The following CD164L2 variants were observed in gnomAD, a reference collection of about 807,000 sequenced individuals.
CD164L2 encodes CD164 molecule like 2, also known as CD164 sialomucin-like 2 protein.
A neutral mutation model predicts 23.9 loss-of-function variants in CD164L2; 21 were observed. That is an observed-to-expected ratio of 0.88 (90% CI 0.62 to 1.27). CD164L2 has a LOEUF of 1.27. Among genes scored for constraint, CD164L2 ranks in the 50% most tolerant of loss-of-function variants. The probability of loss-of-function intolerance (pLI) is 0.00; values close to 1 mark genes in which losing one functional copy is unlikely to be tolerated. For missense variants in CD164L2, 230 were observed against 224.8 expected, an observed-to-expected ratio of 1.02 and a Z score of -0.15; for synonymous variants, 92 against 90.2, an observed-to-expected ratio of 1.02 and a Z score of -0.11.
rs1437562654 is a variant in CD164L2 at position 27,383,331 on chromosome 1, T to A, written c.-92A>T. On this transcript the variant is annotated 5_prime_UTR_variant, in exon 1 of 6. Coordinates refer to ENST00000374030, the MANE Select transcript of CD164L2 (RefSeq NM_001330448.1). ...CTCCCAGACTGGGCTCGGCTGAGCGTGTGCGGAGCGAGACCTGGGCAACCG... is the reference window on the plus strand; with the variant it reads ...CTCCCAGACTGGGCTCGGCTGAGCGAGTGCGGAGCGAGACCTGGGCAACCG... 3 of 825,460 alleles carry A rather than the reference T, an allele frequency of 3.6e-6. No individual in the cohort carries two copies. The highest frequency in any genetic ancestry group is 1.9e-6 in the Non-Finnish European group (1 of 537,966). 51.1% of individuals were successfully genotyped at this position (825,460 alleles called of 1,614,324 possible).
chr1:27,382,513 C>A lies in CD164L2; in HGVS notation c.243G>T (p.Arg81=). 2 of 1,606,956 alleles carry A rather than the reference C, an allele frequency of 1.2e-6. No homozygotes were observed. ...NLSSCVWEQC[R]PEEPGHCVAQ... ...TCAGCTCCATACCTGGCTCCTCTGG[C>A]CGGCACTGCTCCCACACGCAGCTGG... The change falls in exon 2 of 6, where the codon CGG becomes CGT. Residue 81 remains arginine, a synonymous_variant. Coordinates refer to ENST00000374030, the MANE Select transcript of CD164L2 (RefSeq NM_001330448.1).
At chr1:27,382,953 A>C (rs2016368680) in intron 1 of CD164L2, among the ~76,000 whole-genome samples, 199 bp downstream of exon 1, 1 of 151,938 alleles carries the variant, frequency 6.6e-6, no homozygotes, top group Admixed American at 6.6e-5. Flanking sequence ...GAAGCTCCCT[A>C]GGCCCCCACA....
intron 3 of CD164L2, 51 bp downstream of exon 3, chr1:27,382,277 T>C: frequency 6.2e-7 from 1 of 1,614,114 alleles, no homozygotes; most frequent in Non-Finnish European, 8.5e-7. Flanking sequence ...GGGGGCAGGC[T>C]ATGGCTGGGG....
At chr1:27,381,675 G>A (rs2016336867) in intron 4 of CD164L2, 105 bp downstream of exon 4, 2 of 1,254,388 alleles carry the variant, frequency 1.6e-6, no homozygotes, top group African/African-American at 3.0e-5. Flanking sequence ...CTCCGAGGGA[G>A]AAGGCGCAGG....
Position 27,381,819 on chromosome 1 carries a change from G to A in CD164L2, c.334C>T (p.His112Tyr), listed in dbSNP as rs759152033. Residue 112 changes from histidine to tyrosine, a missense_variant, in exon 4 of 6, where the codon CAC becomes TAC. Coordinates refer to ENST00000374030, the MANE Select transcript of CD164L2 (RefSeq NM_001330448.1). The stretch of plus-strand genomic sequence containing the variant: ...TTCGGTTCATAGGTGGGGTGGTGGT[G>A]AGCAGCTGAGGAGACAGGTGATCCA... ...YNRSEACPAAHHHPTYEPKTV... is the reference protein window; with the variant it reads ...YNRSEACPAAYHHPTYEPKTV... 9.3e-6 allele frequency: 15 copies of A among 1,613,880 alleles called. No individual in the cohort carries two copies. The highest frequency in any genetic ancestry group is 1.3e-5 in the African/African-American group (1 of 74,858).
chr1:27,381,830 G>A lies in CD164L2; in HGVS notation c.329-6C>T. 1.2e-6 allele frequency: 2 copies of A among 1,613,994 alleles called. No individual in the cohort carries two copies. Among genetic ancestry groups the A allele is most frequent in the East Asian group, 2.2e-5 (1 of 44,894 alleles). On this transcript the variant is annotated splice_polypyrimidine_tract_variant and splice_region_variant and intron_variant, in intron 3 of 5. Transcript: ENST00000374030. The stretch of plus-strand genomic sequence containing the variant: ...GGTGGGGTGGTGGTGAGCAGCTGAG[G>A]AGACAGGTGATCCATAGCAAAGCAG...
chr1:27,382,999 G>C (rs1008014760), intron 1 of CD164L2, among the ~76,000 whole-genome samples, 153 bp downstream of exon 1: 3 of 152,078 alleles, frequency 2.0e-5, no homozygotes, highest in Non-Finnish European at 4.4e-5. Context: ...GCTCCACACA[G>C]AGCTGGAGCC....
chr1:27,382,081 C>T, intron 3 of CD164L2: 1 of 1,476,880 alleles, frequency 6.8e-7, no homozygotes, highest in Non-Finnish European at 9.0e-7. Flanking sequence ...TTCCAAAGTC[C>T]TTGCTATGCC....
In CD164L2 at chr1:27,379,396, C is replaced by A. The variant is rs756573545; in HGVS notation, c.*107G>T. 8.3e-6 allele frequency: 9 copies of A among 1,080,702 alleles called. No individual in the cohort carries two copies. The East Asian group carries it at 1.0e-4, about 13-fold the overall frequency. 66.9% of individuals were successfully genotyped at this position (1,080,702 alleles called of 1,614,324 possible). On this transcript the variant is annotated 3_prime_UTR_variant, in exon 6 of 6. Transcript: ENST00000374030. ...GGTGCCCGCAGGAGCCAAAAACTGG[C>A]GGCCAGAGTTTTTCCCGCCCCCGCC...
chr1:27,381,894 C>T, intron 3 of CD164L2, 70 bp from the exon 4 acceptor site: 2 of 1,587,556 alleles, frequency 1.3e-6, no homozygotes, highest in Non-Finnish European at 1.7e-6. Context: ...CCCCAGCCCC[C>T]ACTCACCGCT....
chr1:27,382,721 C>T (rs1490159952), intron 1 of CD164L2, 54 bp from the exon 2 acceptor site: 1 of 1,434,610 alleles, frequency 7.0e-7, no homozygotes, highest in Non-Finnish European at 9.2e-7. Flanking sequence ...AGCTGTGGCA[C>T]CCGCCCACCC....
chr1:27,381,742 C>T (rs1318016538), intron 4 of CD164L2, 38 bp downstream of exon 4: 2 of 1,610,436 alleles, frequency 1.2e-6, no homozygotes, highest in South Asian at 2.2e-5. Flanking sequence ...CCCTGCACCT[C>T]TGCTCCTCCC....
Position 27,379,442 on chromosome 1 carries a change from GCC to G in CD164L2, c.*59_*60del. 1 of 1,366,312 alleles carries G rather than the reference GCC, an allele frequency of 7.3e-7. No individual in the cohort carries two copies. The highest frequency in any genetic ancestry group is 1.0e-6 in the Non-Finnish European group (1 of 979,522). The allele number at this position is 1,366,312 out of a possible 1,614,324, so 84.6% of individuals were successfully genotyped here. A position where few individuals can be genotyped will look rare whatever the true frequency, so the allele number is the denominator to read the frequency against. ...CCGCCCCCCGCTTACCCACAAGGGT[GCC>G]CAGAGGCCACCCTCTGCATCCTCCT... On this transcript the variant is annotated 3_prime_UTR_variant, in exon 6 of 6. Transcript: ENST00000374030.
At chr1:27,381,889 G>GC in intron 3 of CD164L2, 65 bp from the exon 4 acceptor site, 1 of 1,593,288 alleles carries the variant, frequency 6.3e-7, no homozygotes, top group African/African-American at 1.3e-5. Context: ...CAAGACCCCA[G>GC]CCCCCACTCA....
chr1:27,383,174 T>G lies in CD164L2; in HGVS notation c.66A>C (p.Leu22=). The G allele has an allele frequency of 6.5e-7, 1 of 1,548,154 alleles. No individual in the cohort carries two copies. ...TACCAGCCACAGCCAGCTGGGCACA[T>G]AGGAGGAGGCAGCAACAGCCGCCAC... is the stretch of plus-strand genomic sequence containing the variant. ...ALCGGCCCLL[L]CAQLAVAGKG... Residue 22 remains leucine (L), a synonymous_variant, in exon 1 of 6, where the codon CTA becomes CTC. Coordinates refer to ENST00000374030, the MANE Select transcript of CD164L2 (RefSeq NM_001330448.1).
intron 1 of CD164L2, 26 bp downstream of exon 1, chr1:27,383,126 C>T: frequency 6.5e-7 from 1 of 1,529,218 alleles, no homozygotes. Flanking sequence ...CCGTCGAGCC[C>T]CTAGCCAGAC....
At position 27,383,181 on chromosome 1, in the gene CD164L2, A is replaced by G. The variant is rs1050228965; in HGVS notation, c.59T>C (p.Leu20Pro). 3.9e-6 allele frequency: 6 copies of G among 1,548,034 alleles called. No homozygotes were observed. The Admixed American group carries it at 7.8e-5, about 20-fold the overall frequency. Residue 20 changes from leucine (L) to proline (P), a missense_variant, in exon 1 of 6, where the codon CTC (leucine) becomes CCC (proline). Leu to Pro is a moderately conservative substitution (Grantham distance 98, BLOSUM62 -3). Transcript: ENST00000374030. ...CACAGCCAGCTGGGCACATAGGAGG[A>G]GGCAGCAACAGCCGCCACAGAGCGC... ...RTALCGGCCC[L>P]LLCAQLAVAG...
At position 27,381,803 on chromosome 1, in the gene CD164L2, T is replaced by C; in HGVS notation, c.350A>G (p.Tyr117Cys). Residue 117 changes from tyrosine to cysteine, a missense_variant, in exon 4 of 6, where the codon TAT (tyrosine) becomes TGT (cysteine). Transcript: ENST00000374030. Reference sequence around the variant, plus strand: ...ACCTGTTGTGACTGTCTTCGGTTCATAGGTGGGGTGGTGGTGAGCAGCTGA... The same window carrying C: ...ACCTGTTGTGACTGTCTTCGGTTCACAGGTGGGGTGGTGGTGAGCAGCTGA... Reference protein sequence around the residue: ...ACPAAHHHPTYEPKTVTTGSP... With the variant: ...ACPAAHHHPTCEPKTVTTGSP... 1 of 1,614,056 alleles carries C rather than the reference T, an allele frequency of 6.2e-7. No homozygotes were observed. The highest frequency in any genetic ancestry group is 8.5e-7 in the Non-Finnish European group (1 of 1,179,948).
chr1:27,381,640 C>A (rs1000690253), intron 4 of CD164L2, 140 bp downstream of exon 4: 11 of 862,888 alleles, frequency 1.3e-5, no homozygotes, highest in Non-Finnish European at 1.6e-5. Context: ...CATCATCCAA[C>A]CCATTTCACA....
Sources: allele counts gnomAD v4.1 joint callset (sites outside exome capture counted in the v4.1 genomes callset), GRCh38; gene constraint gnomAD v4.1.1; transcripts MANE v1.5; gene names NCBI Gene and HGNC (gene_info 2026-07-23, HGNC 2026-07-21).